GPC5: variants seen among roughly 807,000 people sequenced by gnomAD.
GPC5 encodes glypican-5.
GPC5 carries 47 observed loss-of-function variants against 53.9 expected under a neutral mutation model. That is an observed-to-expected ratio of 0.87 (90% CI 0.69 to 1.11). The LOEUF (loss-of-function observed/expected upper bound fraction) is 1.11, where lower values mean the gene tolerates loss of function less well. Ranked by LOEUF, GPC5 falls within the 50% of genes most tolerant of loss-of-function variation. The probability of loss-of-function intolerance (pLI) is 0.00; values close to 1 mark genes in which losing one functional copy is unlikely to be tolerated. For missense variants in GPC5, 748 were observed against 713.1 expected (o/e 1.05, Z -0.56); for synonymous variants, 286 against 263.3 (o/e 1.09, Z -0.84).
intron 2 of GPC5, among the ~76,000 whole-genome samples, chr13:91,484,521 A>G (rs1883485102): frequency 6.6e-6 from 1 of 152,180 alleles, no homozygotes; most frequent in Non-Finnish European, 1.5e-5. Flanking sequence ...GCAATAATTT[A>G]AGAAACAAAA....
chr13:92,535,572 C>T (rs1190923467), intron 7 of GPC5, among the ~76,000 whole-genome samples: 3 of 151,628 alleles, frequency 2.0e-5, no homozygotes, highest in East Asian at 2.0e-4. Flanking sequence ...TTCTTTGACA[C>T]TTTTTGAGAG....
At chr13:92,856,284 C>A (rs553874092) in intron 7 of GPC5, among the ~76,000 whole-genome samples, 1 of 152,026 alleles carries the variant, frequency 6.6e-6, no homozygotes, top group South Asian at 2.1e-4. Context: ...ACAGAAAAGG[C>A]CTTTGATAAA....
At chr13:92,227,853 G>C (rs2042499742) in intron 7 of GPC5, among the ~76,000 whole-genome samples, 1 of 151,964 alleles carries the variant, frequency 6.6e-6, no homozygotes, top group Admixed American at 6.6e-5. Flanking sequence ...TATAATTTTT[G>C]ACTTCCACAG....
At chr13:92,566,087 GTCT>G (rs1882854311) in intron 7 of GPC5, among the ~76,000 whole-genome samples, 1 of 152,016 alleles carries the variant, frequency 6.6e-6, no homozygotes, top group Non-Finnish European at 1.5e-5. Context: ...GGGATCAGAG[GTCT>G]TCTTGACTTT....
chr13:92,120,501 C>G (rs1476362354), intron 6 of GPC5, among the ~76,000 whole-genome samples: 1 of 152,098 alleles, frequency 6.6e-6, no homozygotes, highest in Non-Finnish European at 1.5e-5. Context: ...CTCAAGCACT[C>G]CTGCCACTCA....
intron 5 of GPC5, among the ~76,000 whole-genome samples, chr13:91,806,021 ATTTTTTTTTT>A (rs71113764): frequency 8.2e-5 from 4 of 48,560 alleles, no homozygotes; most frequent in East Asian, 8.2e-4. Flanking sequence ...AAATACAATA[ATTTTTTTTTT>A]TTTTTTTTTT....
chr13:92,080,069 C>G (rs1752309016), intron 6 of GPC5, among the ~76,000 whole-genome samples: 1 of 152,200 alleles, frequency 6.6e-6, no homozygotes, highest in African/African-American at 2.4e-5. Flanking sequence ...ACCTGATTTG[C>G]CTGCAGAATT....
At chr13:92,810,499 T>TA (rs1877254927) in intron 7 of GPC5, among the ~76,000 whole-genome samples, 1 of 151,908 alleles carries the variant, frequency 6.6e-6, no homozygotes, top group African/African-American at 2.4e-5. Flanking sequence ...TGGCATTCAT[T>TA]ATATTTACAC....
chr13:91,540,193 T>G (rs937272112), intron 2 of GPC5, among the ~76,000 whole-genome samples: 1 of 152,184 alleles, frequency 6.6e-6, no homozygotes, highest in African/African-American at 2.4e-5. Context: ...ACAGCTAGTT[T>G]ACTTATCAAA....
intron 6 of GPC5, among the ~76,000 whole-genome samples, chr13:91,944,357 A>C (rs2039956412): frequency 6.6e-6 from 1 of 151,974 alleles, no homozygotes. Context: ...CAGCCTCCCA[A>C]AGTTCTGGGA....
intron 7 of GPC5, among the ~76,000 whole-genome samples, chr13:92,754,214 A>G (rs1265549002): frequency 6.6e-6 from 1 of 152,210 alleles, no homozygotes; most frequent in East Asian, 1.9e-4. Context: ...CCAGAATTTC[A>G]TATCCAGCCA....
intron 7 of GPC5, among the ~76,000 whole-genome samples, chr13:92,363,494 A>G (rs144641543): frequency 7.9e-5 from 12 of 151,878 alleles, no homozygotes; most frequent in African/African-American, 2.9e-4. Flanking sequence ...GATCCCTCGC[A>G]TGTACAGTTC....
chr13:92,404,757 C>G (rs1157465385), intron 7 of GPC5, among the ~76,000 whole-genome samples: 1 of 149,510 alleles, frequency 6.7e-6, no homozygotes, highest in Non-Finnish European at 1.5e-5. Context: ...AGTGTTTTTT[C>G]TACTAAACCA....
At chr13:92,739,410 G>A (rs1889027670) in intron 7 of GPC5, among the ~76,000 whole-genome samples, 1 of 152,060 alleles carries the variant, frequency 6.6e-6, no homozygotes, top group Non-Finnish European at 1.5e-5. Context: ...GATAAGTTCT[G>A]TTTTTCATTA....
chr13:92,353,691 T>C (rs2043499694), intron 7 of GPC5, among the ~76,000 whole-genome samples: 1 of 152,116 alleles, frequency 6.6e-6, no homozygotes, highest in Non-Finnish European at 1.5e-5. Flanking sequence ...GCACAAAAGT[T>C]TAAGATTATT....
chr13:92,030,257 T>C lies in GPC5; in HGVS notation c.1402-114573T>C, dbSNP rs993948992. Reference sequence around the variant, plus strand: ...GACCAGAGAAAAATGAAGCCCTCAGTTGGGGACTCATGAATTTCCTGTTCC... The same window carrying C: ...GACCAGAGAAAAATGAAGCCCTCAGCTGGGGACTCATGAATTTCCTGTTCC... On this transcript the variant is annotated intron_variant, in intron 6 of 7. Transcript: ENST00000377067. Among the ~76,000 whole-genome samples the C allele has an allele frequency of 1.5e-4, 23 of 152,284 alleles. 1 individual carries two copies. Among genetic ancestry groups the C allele is most frequent in the Admixed American group, 1.0e-3 (16 of 15,304 alleles).
intron 7 of GPC5, among the ~76,000 whole-genome samples, chr13:92,604,300 T>C (rs1245649272): frequency 6.6e-6 from 1 of 152,172 alleles, no homozygotes; most frequent in African/African-American, 2.4e-5. Flanking sequence ...GAAGTATTTA[T>C]TCAGAAATCA....
chr13:92,682,866 T>A (rs183673299), intron 7 of GPC5, among the ~76,000 whole-genome samples: 1 of 152,314 alleles, frequency 6.6e-6, no homozygotes, highest in East Asian at 1.9e-4. Flanking sequence ...TTGTATTTCC[T>A]GGCTTTCTGG....
At chr13:91,504,865 G>A (rs190776584) in intron 2 of GPC5, among the ~76,000 whole-genome samples, 1 of 152,064 alleles carries the variant, frequency 6.6e-6, no homozygotes, top group African/African-American at 2.4e-5. Flanking sequence ...GAAGTAGGAG[G>A]ATCGCTTGAG....
Sources: allele counts gnomAD v4.1 joint callset (sites outside exome capture counted in the v4.1 genomes callset), GRCh38; gene constraint gnomAD v4.1.1; transcripts MANE v1.5; gene names NCBI Gene and HGNC (gene_info 2026-07-23, HGNC 2026-07-21).